Variants in NRP1 observed in about 807,000 individuals in gnomAD.
NRP1 encodes neuropilin-1.
In NRP1, 35 loss-of-function variants were observed where a neutral mutation model predicts 106.7. The ratio of observed to expected loss-of-function variants is 0.33; its 90% CI spans 0.25 to 0.43. The LOEUF (loss-of-function observed/expected upper bound fraction) is 0.43. NRP1 is among the 20% of genes least tolerant of loss of function. The probability of loss-of-function intolerance (pLI) is 1.00; values close to 1 mark genes in which losing one functional copy is unlikely to be tolerated. For synonymous variants in NRP1, 437 were observed against 417.9 expected, an observed-to-expected ratio of 1.05 and a Z score of -0.56; for missense variants, 1,024 against 1,170.4, an observed-to-expected ratio of 0.87 and a Z score of 1.83.
chr10:33,266,424 AT>A (rs1842920943), intron 3 of NRP1, among the ~76,000 whole-genome samples: 1 of 152,226 alleles, frequency 6.6e-6, no homozygotes, highest in Non-Finnish European at 1.5e-5. Context: ...AATTCTGCGC[AT>A]GACAAATGTG....
At chr10:33,182,570 T>C (rs1000400970) in intron 16 of NRP1, 128 bp downstream of exon 16, 2 of 666,792 alleles carry the variant, frequency 3.0e-6, no homozygotes, top group African/African-American at 1.8e-5. Flanking sequence ...CCCAGGGCCA[T>C]GGGCATAGAT....
chr10:33,292,451 T>C (rs1192723237), intron 2 of NRP1, among the ~76,000 whole-genome samples: 1 of 152,146 alleles, frequency 6.6e-6, no homozygotes, highest in Non-Finnish European at 1.5e-5. Flanking sequence ...TTCAAAAAAA[T>C]ATATATGCAT....
At chr10:33,231,610 G>A (rs1273070894) in intron 6 of NRP1, among the ~76,000 whole-genome samples, 1 of 152,136 alleles carries the variant, frequency 6.6e-6, no homozygotes, top group Non-Finnish European at 1.5e-5. Context: ...AACATTATCA[G>A]CGGGCATTTA....
intron 6 of NRP1, among the ~76,000 whole-genome samples, chr10:33,243,466 C>A (rs935148775): frequency 6.6e-6 from 1 of 152,154 alleles, no homozygotes; most frequent in African/African-American, 2.4e-5. Flanking sequence ...TCACTGATAG[C>A]CTTCTCAGGC....
intron 13 of NRP1, 91 bp downstream of exon 13, chr10:33,192,190 A>T: frequency 4.3e-6 from 6 of 1,410,242 alleles, no homozygotes; most frequent in Non-Finnish European, 5.8e-6. Context: ...CCCGCCCTAA[A>T]TTCACAGACA....
chr10:33,247,420 CAG>C (rs1203371406), intron 6 of NRP1, among the ~76,000 whole-genome samples: 1 of 152,170 alleles, frequency 6.6e-6, no homozygotes, highest in African/African-American at 2.4e-5. Flanking sequence ...TGAATCATGA[CAG>C]AGCCATTTTG....
chr10:33,331,281 A>G (rs1426137984), intron 1 of NRP1, among the ~76,000 whole-genome samples: 1 of 152,234 alleles, frequency 6.6e-6, no homozygotes, highest in Admixed American at 6.5e-5. Context: ...AAAGTGACTG[A>G]AAGATGCTGT....
chr10:33,330,492 A>G lies in NRP1; in HGVS notation c.248+216T>C, dbSNP rs61758241. Among the ~76,000 whole-genome samples the G allele has an allele frequency of 8.7e-3, 1,324 of 152,292 alleles. 14 individuals are homozygous for G. The highest frequency in any genetic ancestry group is 0.03 in the African/African-American group (1,234 of 41,572). On this transcript the variant is annotated intron_variant, in intron 2 of 16. Transcript: ENST00000374867. ...AAGTGCTAACAGGAAGGAGTATAAGAGCTTACACATTTAACTATAATCTTC... is the reference window on the plus strand; with the variant it reads ...AAGTGCTAACAGGAAGGAGTATAAGGGCTTACACATTTAACTATAATCTTC...
rs369312020 is a variant in NRP1 at position 33,221,754 on chromosome 10, G to T, written c.1247C>A (p.Ser416Tyr). Residue 416 changes from serine (S) to tyrosine (Y), a missense_variant, in exon 8 of 17, where the codon TCT (serine) becomes TAT (tyrosine). Coordinates refer to ENST00000374867, the MANE Select transcript of NRP1 (RefSeq NM_003873.7). ...IKPATWETGI[S>Y]MRFEVYGCKI... ...GCAACCGTATACTTCAAATCTCATA[G>T]ATATGCCAGTTTCCCAAGTTGCAGG... The T allele has an allele frequency of 6.2e-7, 1 of 1,614,094 alleles. No homozygotes were observed.
rs1303832068 is a variant in NRP1, at chr10:33,263,877, T to A, written c.431-4A>T. On this transcript the variant is annotated splice_region_variant and splice_polypyrimidine_tract_variant and intron_variant, in intron 3 of 16. Transcript: ENST00000374867. ...TAGTTCTGGGAACATTCAGGACCTA[T>A]GAGTAGAAGAGAAAAAGGAGTAAAG... 6.3e-7 allele frequency: 1 copy of A among 1,577,876 alleles called. No homozygotes were observed. Among genetic ancestry groups the A allele is most frequent in the Non-Finnish European group, 8.7e-7 (1 of 1,147,942 alleles).
intron 2 of NRP1, among the ~76,000 whole-genome samples, chr10:33,292,699 T>TA (rs1396291610): frequency 6.6e-6 from 1 of 152,102 alleles, no homozygotes; most frequent in Non-Finnish European, 1.5e-5. Flanking sequence ...GTCCTGTTTG[T>TA]AAAACCTGCC....
At chr10:33,196,986 G>A (rs1319757797) in intron 12 of NRP1, among the ~76,000 whole-genome samples, 4 of 152,058 alleles carry the variant, frequency 2.6e-5, no homozygotes, top group Non-Finnish European at 4.4e-5. Flanking sequence ...CTTCATGTAC[G>A]TCTGCCGGGA....
chr10:33,289,084 A>G (rs1039039077), intron 2 of NRP1, among the ~76,000 whole-genome samples: 2 of 152,210 alleles, frequency 1.3e-5, no homozygotes, highest in Admixed American at 1.3e-4. Context: ...AAACTATTTT[A>G]TATTCATACT....
chr10:33,282,952 G>A (rs1844251011), intron 2 of NRP1, among the ~76,000 whole-genome samples: 1 of 152,088 alleles, frequency 6.6e-6, no homozygotes, highest in Admixed American at 6.5e-5. Flanking sequence ...CACTATGTTG[G>A]CCAGGCTGAT....
chr10:33,329,832 A>T (rs887203122), intron 2 of NRP1, among the ~76,000 whole-genome samples: 1 of 152,242 alleles, frequency 6.6e-6, no homozygotes, highest in African/African-American at 2.4e-5. Flanking sequence ...AAGAGAGACG[A>T]GCAAACATGT....
In NRP1 at chr10:33,213,384, A is replaced by G. The variant is rs766804813; in HGVS notation, c.1614+2T>C. 1.9e-6 allele frequency: 3 copies of G among 1,613,550 alleles called. No homozygotes were observed. Among genetic ancestry groups the G allele is most frequent in the Non-Finnish European group, 2.5e-6 (3 of 1,179,930 alleles). ...GACCTCCTCCCAGTCCCCAGCCCTC[A>G]CCTTCGCCTTGCGTTTGCTGTCATC... On this transcript the variant is annotated splice_donor_variant, in intron 9 of 16. Coordinates refer to ENST00000374867, the MANE Select transcript of NRP1 (RefSeq NM_003873.7). LOFTEE classifies it high-confidence loss of function.
rs372867658 is a variant in NRP1 at position 33,265,116 on chromosome 10, AAAACAAAC to A, written c.431-1251_431-1244del. On this transcript the variant is annotated intron_variant, in intron 3 of 16. Coordinates refer to ENST00000374867, the MANE Select transcript of NRP1 (RefSeq NM_003873.7). The stretch of plus-strand genomic sequence containing the variant: ...CAGAGCCAGCCAGACTCCGCCTCAA[AAAACAAAC>A]AAACAAACAAACAAACAACAACCAA... 4.7e-4 allele frequency among the ~76,000 whole-genome samples: 71 copies of A among 151,710 alleles called. 1 individual carries two copies. Among genetic ancestry groups the A allele is most frequent in the South Asian group, 3.5e-3 (17 of 4,796 alleles).
chr10:33,305,960 G>A (rs1405929808), intron 2 of NRP1, among the ~76,000 whole-genome samples: 1 of 151,802 alleles, frequency 6.6e-6, no homozygotes, highest in Non-Finnish European at 1.5e-5. Flanking sequence ...GTAGAGATGG[G>A]GTTTCACCAT....
At chr10:33,325,008 G>C (rs1230638318) in intron 2 of NRP1, among the ~76,000 whole-genome samples, 1 of 152,156 alleles carries the variant, frequency 6.6e-6, no homozygotes, top group Non-Finnish European at 1.5e-5. Context: ...ACAGAAGTTA[G>C]GACAGCAGTT....
Sources: allele counts gnomAD v4.1 joint callset (sites outside exome capture counted in the v4.1 genomes callset), GRCh38; gene constraint gnomAD v4.1.1; transcripts MANE v1.5; gene names NCBI Gene and HGNC (gene_info 2026-07-23, HGNC 2026-07-21).